The following RAB11FIP3 variants were observed in gnomAD, a reference collection of about 807,000 sequenced individuals.
RAB11FIP3 encodes RAB11 family interacting protein 3.
In RAB11FIP3, 17 loss-of-function variants were observed where a neutral mutation model predicts 77.8. The observed-to-expected ratio is 0.22, with a 90% CI of 0.15 to 0.33. The LOEUF (loss-of-function observed/expected upper bound fraction) is 0.33, where lower values mean the gene tolerates loss of function less well. RAB11FIP3 is among the 10% of genes least tolerant of loss of function. The pLI, the probability that RAB11FIP3 is intolerant of heterozygous loss-of-function variation, is 1.00. For synonymous variants in RAB11FIP3, 437 were observed against 448.2 expected, an observed-to-expected ratio of 0.98 and a Z score of 0.31; for missense variants, 1,005 against 1,011.2, an observed-to-expected ratio of 0.99 and a Z score of 0.08.
chr16:519,461 C>T (rs1046822269), intron 10 of RAB11FIP3, among the ~76,000 whole-genome samples: 2 of 152,204 alleles, frequency 1.3e-5, no homozygotes, highest in African/African-American at 4.8e-5. Flanking sequence ...CAGAGGAGCC[C>T]GGCTGGAGGT....
chr16:473,516 A>C (rs2055845728), intron 3 of RAB11FIP3, among the ~76,000 whole-genome samples: 1 of 152,122 alleles, frequency 6.6e-6, no homozygotes, highest in Non-Finnish European at 1.5e-5. Context: ...GCTCACCACA[A>C]CCTTCGCCTC....
chr16:502,388 G>A (rs1031653598), intron 6 of RAB11FIP3, among the ~76,000 whole-genome samples: 2 of 152,236 alleles, frequency 1.3e-5, no homozygotes, highest in African/African-American at 4.8e-5. Context: ...CGGTGCTGGG[G>A]GCGTGTCCAC....
chr16:520,027 G>A (rs997306065), intron 11 of RAB11FIP3, 95 bp from the exon 12 acceptor site: 123 of 1,525,710 alleles, frequency 8.1e-5, no homozygotes, highest in South Asian at 1.2e-4. Context: ...CCCGAGAGAC[G>A]GCCAGATCAA....
At chr16:494,521 C>T (rs2030923084) in intron 5 of RAB11FIP3, among the ~76,000 whole-genome samples, 1 of 151,812 alleles carries the variant, frequency 6.6e-6, no homozygotes, top group African/African-American at 2.4e-5. Context: ...ACTCGGGAGG[C>T]TGAGGCCGGA....
chr16:466,958 C>T (rs954239601), intron 2 of RAB11FIP3, among the ~76,000 whole-genome samples: 9 of 152,094 alleles, frequency 5.9e-5, no homozygotes, highest in African/African-American at 1.4e-4. Context: ...TGGCTGCAGC[C>T]GAGGGAGAGC....
intron 2 of RAB11FIP3, among the ~76,000 whole-genome samples, chr16:466,893 C>T (rs188217168): frequency 6.6e-6 from 1 of 152,276 alleles, no homozygotes; most frequent in Admixed American, 6.5e-5. Flanking sequence ...TCATCGTGAG[C>T]CGGCCAGGGC....
chr16:447,002 A>G (rs1470486415), intron 1 of RAB11FIP3, among the ~76,000 whole-genome samples: 1 of 151,892 alleles, frequency 6.6e-6, no homozygotes, highest in Non-Finnish European at 1.5e-5. Flanking sequence ...CCCGGCTTTA[A>G]AAACATTTTT....
chr16:519,125 T>C, intron 10 of RAB11FIP3, 101 bp downstream of exon 10: 2 of 1,269,382 alleles, frequency 1.6e-6, no homozygotes, highest in South Asian at 1.2e-5. Context: ...AGCGGGATAC[T>C]GTGCTGTGTG....
At chr16:428,615 A>AC (rs968334496) in intron 1 of RAB11FIP3, among the ~76,000 whole-genome samples, 7 of 152,036 alleles carry the variant, frequency 4.6e-5, no homozygotes, top group African/African-American at 1.5e-4. Flanking sequence ...GAAACTGGAA[A>AC]CCCAGAAAGG....
At chr16:489,221 C>T (rs2029954569) in intron 5 of RAB11FIP3, 2 of 603,284 alleles carry the variant, frequency 3.3e-6, no homozygotes, top group South Asian at 4.5e-5. Context: ...CTCTACATTT[C>T]TGAGGCTTCA....
intron 1 of RAB11FIP3, among the ~76,000 whole-genome samples, chr16:443,731 A>G (rs1293885042): frequency 2.0e-5 from 3 of 152,060 alleles, no homozygotes; most frequent in Non-Finnish European, 4.4e-5. Flanking sequence ...ACGCCCGGCT[A>G]ATTTTTGTAC....
chr16:489,513 TGGG>T (rs1198179252), intron 5 of RAB11FIP3, among the ~76,000 whole-genome samples: 1 of 152,096 alleles, frequency 6.6e-6, no homozygotes, highest in Non-Finnish European at 1.5e-5. Flanking sequence ...GATCCGAACA[TGGG>T]GGTCTGGGTA....
intron 3 of RAB11FIP3, among the ~76,000 whole-genome samples, chr16:477,325 TAG>T (rs1404951526): frequency 6.6e-6 from 1 of 152,314 alleles, no homozygotes; most frequent in East Asian, 1.9e-4. Flanking sequence ...CCACACTTTT[TAG>T]AGTCAGCAGC....
At chr16:487,276 A>T (rs1010985894) in intron 4 of RAB11FIP3, among the ~76,000 whole-genome samples, 1 of 151,628 alleles carries the variant, frequency 6.6e-6, no homozygotes, top group Non-Finnish European at 1.5e-5. Context: ...GACTACAGGC[A>T]CCCGCCACCA....
At position 461,521 on chromosome 16, in the gene RAB11FIP3, C is replaced by G. The variant is rs1417417367; in HGVS notation, c.808+24C>G. On this transcript the variant is annotated intron_variant, in intron 2 of 13. Coordinates refer to ENST00000262305, the MANE Select transcript of RAB11FIP3 (RefSeq NM_014700.4). This position sits in a 1 kb window ranked among gnomAD's most constrained non-coding sequence, Gnocchi z 4.5. Reference sequence around the variant, plus strand: ...AGGTCAGTCATCCCCGCCATGAGCTCCCACCTCCTCTCCCGTTCCTCAGCC... The same window carrying G: ...AGGTCAGTCATCCCCGCCATGAGCTGCCACCTCCTCTCCCGTTCCTCAGCC... 6.3e-7 allele frequency: 1 copy of G among 1,592,250 alleles called. No individual in the cohort carries two copies. The highest frequency in any genetic ancestry group is 1.3e-5 in the African/African-American group (1 of 74,428).
chr16:459,585 C>A (rs1366584453), intron 1 of RAB11FIP3, among the ~76,000 whole-genome samples: 1 of 151,824 alleles, frequency 6.6e-6, no homozygotes, highest in Non-Finnish European at 1.5e-5. Context: ...TACAGGCGAG[C>A]GCCACCACAC....
Position 510,758 on chromosome 16 carries a change from T to C in RAB11FIP3, c.1598T>C (p.Met533Thr), listed in dbSNP as rs770186174. 4.3e-6 allele frequency: 7 copies of C among 1,613,222 alleles called. No individual in the cohort carries two copies. The East Asian group carries it at 1.1e-4, about 26-fold the overall frequency. ...TRRQKELLCK[M>T]EREKSIEIEN... ...CGTCAGAAGGAGCTCCTGTGCAAGA[T>C]GGAGAGGGAGAAGAGCATTGAGATC... is the stretch of plus-strand genomic sequence containing the variant. Residue 533 changes from methionine (M) to threonine (T), a missense_variant, in exon 9 of 14, where the codon ATG becomes ACG. Physicochemically the swap from Met to Thr is moderately conservative, Grantham distance 81. Transcript: ENST00000262305.
chr16:493,541 C>T (rs966490523), intron 5 of RAB11FIP3, among the ~76,000 whole-genome samples: 1 of 152,174 alleles, frequency 6.6e-6, no homozygotes, highest in African/African-American at 2.4e-5. Context: ...TTCCAGGTAC[C>T]CTGCAGCCTC....
chr16:518,593 C>T (rs1328063985), intron 9 of RAB11FIP3, among the ~76,000 whole-genome samples: 3 of 151,996 alleles, frequency 2.0e-5, no homozygotes, highest in African/African-American at 7.3e-5. Context: ...GGCGTGGTGG[C>T]AGGCGCCTGT....
Sources: gnomAD v4.1 joint callset for allele counts (sites outside exome capture counted in the v4.1 genomes callset) on GRCh38, gnomAD v4.1.1 for gene constraint, Gnocchi (gnomAD v3.1) non-coding constraint, MANE v1.5 for transcripts, NCBI Gene and HGNC (gene_info 2026-07-23, HGNC 2026-07-21) for gene names.